Variants in NFATC2IP observed in about 807,000 individuals in gnomAD.
The protein encoded by NFATC2IP is NFATC2-interacting protein.
NFATC2IP carries 25 observed loss-of-function variants against 40.2 expected under a neutral mutation model. The ratio of observed to expected loss-of-function variants is 0.62; its 90% CI spans 0.45 to 0.87. NFATC2IP has a LOEUF of 0.87. NFATC2IP is among the 40% of genes least tolerant of loss of function. The pLI is 0.00. For synonymous variants in NFATC2IP, 241 were observed against 236.3 expected, an observed-to-expected ratio of 1.02 and a Z score of -0.18; for missense variants, 553 against 555.6, an observed-to-expected ratio of 1.00 and a Z score of 0.05.
In NFATC2IP at chr16:28,956,344, G is replaced by C; in HGVS notation, c.846+7G>C. 6.2e-7 allele frequency: 1 copy of C among 1,610,030 alleles called. No homozygotes were observed. On this transcript the variant is annotated splice_region_variant and intron_variant, in intron 5 of 7. Transcript: ENST00000320805. ...CAGATTGCCCCTCAGGATGGTGAGT[G>C]CCTGAGGCCCATGGGAGAAGGACCC...
chr16:28,960,680 C>A lies in NFATC2IP; in HGVS notation c.1101+1580C>A, dbSNP rs138395568. On this transcript the variant is annotated intron_variant, in intron 7 of 7. Coordinates refer to ENST00000320805, the MANE Select transcript of NFATC2IP (RefSeq NM_032815.4). ...CAGGTGCAGTGGCTCACACCTGTAA[C>A]CCCAGCACCTGTAATCCTAGCTCCC... 1.4e-4 allele frequency among the ~76,000 whole-genome samples: 22 copies of A among 152,198 alleles called. 1 individual carries two copies. Among genetic ancestry groups the A allele is most frequent in the African/African-American group, 5.1e-4 (21 of 41,530 alleles).
rs1567515055 is a variant in NFATC2IP, at chr16:28,963,852, G to T, written c.1249G>T (p.Val417Phe). Residue 417 changes from valine (V) to phenylalanine (F), a missense_variant, in exon 8 of 8, where the codon GTC (valine) becomes TTC (phenylalanine). By Grantham distance (50) the Val-to-Phe change is conservative (BLOSUM62 -1). Coordinates refer to ENST00000320805, the MANE Select transcript of NFATC2IP (RefSeq NM_032815.4). ...LGMESGDLIE[V>F]WG ...CATGGAATCTGGGGACCTCATTGAG[G>T]TCTGGGGCTGACACCCCACTCCCTG... is the stretch of plus-strand genomic sequence containing the variant. The T allele has an allele frequency of 1.9e-6, 3 of 1,614,068 alleles. No homozygotes were observed. Among genetic ancestry groups the T allele is most frequent in the Non-Finnish European group, 1.7e-6 (2 of 1,180,010 alleles).
At chr16:28,953,097 C>G (rs559054054) in intron 2 of NFATC2IP, among the ~76,000 whole-genome samples, 4 of 151,524 alleles carry the variant, frequency 2.6e-5, no homozygotes, top group African/African-American at 7.3e-5. Context: ...TGTTTTGAGA[C>G]AGAGTCTCAC....
chr16:28,954,778 TAAG>T, intron 3 of NFATC2IP, 96 bp downstream of exon 3: 1 of 713,948 alleles, frequency 1.4e-6, no homozygotes, highest in Admixed American at 2.3e-5. Context: ...CCTGAAAGGT[TAAG>T]AAGAAGGGAT....
In NFATC2IP at chr16:28,951,143, C is replaced by G. The variant is rs1964960882; in HGVS notation, c.132C>G (p.Asp44Glu). 1 of 1,546,664 alleles carries G rather than the reference C, an allele frequency of 6.5e-7. No individual in the cohort carries two copies. The highest frequency in any genetic ancestry group is 8.7e-7 in the Non-Finnish European group (1 of 1,144,942). ...GGTCTCCATCCCGGGGCACGCTGGA[C>G]GTAGTGTCTGTGGACTTGGTCACCG... ...AQRSPSRGTL[D>E]VVSVDLVTDS... is the part of the protein sequence containing the mutation. Residue 44 changes from aspartate to glutamate, a missense_variant, in exon 1 of 8, where the codon GAC (aspartate) becomes GAG (glutamate). Coordinates refer to ENST00000320805, the MANE Select transcript of NFATC2IP (RefSeq NM_032815.4).
chr16:28,966,542 G>A lies in NFATC2IP; in HGVS notation c.*2679G>A, dbSNP rs994012344. On this transcript the variant is annotated 3_prime_UTR_variant, in exon 8 of 8. Coordinates refer to ENST00000320805, the MANE Select transcript of NFATC2IP (RefSeq NM_032815.4). ...GGGAGGCTGAGGCAGGTGGATCACC[G>A]GAGGTTAGGAATTCAAGACTGAAAC... The A allele has an allele frequency of 2.7e-5, 4 of 147,428 alleles. No homozygotes were observed. The highest frequency in any genetic ancestry group is 4.5e-5 in the Non-Finnish European group (3 of 67,236). 9.1% of individuals were successfully genotyped at this position (147,428 alleles called of 1,614,324 possible). A position where few individuals can be genotyped will look rare whatever the true frequency, so the allele number is the denominator to read the frequency against.
In NFATC2IP at chr16:28,951,186, C is replaced by A; in HGVS notation, c.175C>A (p.Leu59Met). The change falls in exon 1 of 8, where the codon CTG becomes ATG. Residue 59 changes from leucine to methionine, a missense_variant. Leu to Met is a conservative substitution (Grantham distance 15). Coordinates refer to ENST00000320805, the MANE Select transcript of NFATC2IP (RefSeq NM_032815.4). The stretch of plus-strand genomic sequence containing the variant: ...GGTCACCGACAGCGATGAGGAAATT[C>A]TGGAGGTCGCCACCGCTCGCGGTGC... The part of the protein sequence containing the change: ...DLVTDSDEEI[L>M]EVATARGAAD... 1 of 1,541,242 alleles carries A rather than the reference C, an allele frequency of 6.5e-7. No individual in the cohort carries two copies.
chr16:28,954,513 C>A, intron 2 of NFATC2IP, 52 bp from the exon 3 acceptor site: 1 of 1,272,300 alleles, frequency 7.9e-7, no homozygotes, highest in Non-Finnish European at 1.1e-6. Context: ...TCTTGGCCTT[C>A]GCTGGCCTCC....
At chr16:28,961,920 A>G (rs1014245653) in intron 7 of NFATC2IP, among the ~76,000 whole-genome samples, 3 of 150,456 alleles carry the variant, frequency 2.0e-5, no homozygotes, top group African/African-American at 7.3e-5. Flanking sequence ...AAAAAAAAAA[A>G]AAAGACAGGG....
chr16:28,962,941 T>C (rs977609871), intron 7 of NFATC2IP, among the ~76,000 whole-genome samples: 2 of 152,180 alleles, frequency 1.3e-5, no homozygotes, highest in Non-Finnish European at 2.9e-5. Context: ...CCCAGCACTT[T>C]GGGAGGCCAA....
chr16:28,957,323 G>A (rs1412715577), intron 5 of NFATC2IP, among the ~76,000 whole-genome samples: 2 of 149,190 alleles, frequency 1.3e-5, no homozygotes, highest in Non-Finnish European at 3.0e-5. Flanking sequence ...ATGAGCCACC[G>A]TGCCTGGCCT....
intron 5 of NFATC2IP, 169 bp from the exon 6 acceptor site, chr16:28,958,548 C>T (rs1232933325): frequency 6.5e-6 from 4 of 617,030 alleles, no homozygotes; most frequent in South Asian, 4.0e-5. Flanking sequence ...CTCGCCTGTA[C>T]CCCTTGCTGA....
Position 28,951,009 on chromosome 16 carries a change from G to T in NFATC2IP, c.-3G>T, listed in dbSNP as rs772715545. 4.0e-6 allele frequency: 6 copies of T among 1,506,558 alleles called. No individual in the cohort carries two copies. The highest frequency in any genetic ancestry group is 5.3e-6 in the Non-Finnish European group (6 of 1,132,532). 93.3% of individuals were successfully genotyped at this position (1,506,558 alleles called of 1,614,324 possible). On this transcript the variant is annotated 5_prime_UTR_variant, in exon 1 of 8. Transcript: ENST00000320805. ...GGGCGTGTGTTGTGGAGGAAAGTGT[G>T]CCATGGCGGAGCCTGTGGGGAAGCG...
chr16:28,951,199 C>T lies in NFATC2IP; in HGVS notation c.188C>T (p.Thr63Ile). 1 of 1,538,638 alleles carries T rather than the reference C, an allele frequency of 6.5e-7. No individual in the cohort carries two copies. Among genetic ancestry groups the T allele is most frequent in the Non-Finnish European group, 8.8e-7 (1 of 1,140,422 alleles). ...DSDEEILEVATARGAADEVEV... is the reference protein window; with the variant it reads ...DSDEEILEVAIARGAADEVEV... The stretch of plus-strand genomic sequence containing the variant: ...GATGAGGAAATTCTGGAGGTCGCCA[C>T]CGCTCGCGGTGCCGCGGACGAGGTT... Residue 63 changes from threonine to isoleucine, a missense_variant, in exon 1 of 8, where the codon ACC (threonine) becomes ATC (isoleucine). Coordinates refer to ENST00000320805, the MANE Select transcript of NFATC2IP (RefSeq NM_032815.4).
intron 7 of NFATC2IP, among the ~76,000 whole-genome samples, chr16:28,962,051 G>A (rs1965094461): frequency 6.6e-6 from 1 of 152,054 alleles, no homozygotes; most frequent in African/African-American, 2.4e-5. Flanking sequence ...CTACAGGTGT[G>A]TGCCACTACC....
intron 2 of NFATC2IP, among the ~76,000 whole-genome samples, chr16:28,953,510 T>C (rs566783436): frequency 2.6e-5 from 4 of 152,320 alleles, no homozygotes; most frequent in South Asian, 2.1e-4. Context: ...TGGCTAGATA[T>C]ATGCTTTAGG....
In NFATC2IP at chr16:28,966,444, TA is replaced by T. The variant is rs869184973; in HGVS notation, c.*2602del. ...GGCAACACAGCGAGACCTTGTCTCTTAAAAAAAAAAAAAAAAAAAAATGAGA... is the reference window on the plus strand; with the variant it reads ...GGCAACACAGCGAGACCTTGTCTCTTAAAAAAAAAAAAAAAAAAAATGAGA... On this transcript the variant is annotated 3_prime_UTR_variant, in exon 8 of 8. Coordinates refer to ENST00000320805, the MANE Select transcript of NFATC2IP (RefSeq NM_032815.4). The T allele has an allele frequency of 0.063, 7,748 of 122,092 alleles. 754 individuals are homozygous for T. Among genetic ancestry groups the T allele is most frequent in the African/African-American group, 0.22 (7,050 of 31,536 alleles). 7.6% of individuals were successfully genotyped at this position (122,092 alleles called of 1,614,324 possible).
At chr16:28,951,449 T>C (rs961689070) in intron 1 of NFATC2IP, 51 bp downstream of exon 1, 4 of 1,330,612 alleles carry the variant, frequency 3.0e-6, no homozygotes, top group Non-Finnish European at 3.8e-6. Context: ...GGGCTTGGCC[T>C]CCAGGGAGGG....
chr16:28,952,902 T>G (rs771640917), intron 2 of NFATC2IP, among the ~76,000 whole-genome samples: 1 of 151,596 alleles, frequency 6.6e-6, no homozygotes, highest in Non-Finnish European at 1.5e-5. Context: ...GCCTGGCTAA[T>G]TTTTTGTATT....
Sources: gnomAD v4.1 joint callset for allele counts (sites outside exome capture counted in the v4.1 genomes callset) on GRCh38, gnomAD v4.1.1 for gene constraint, MANE v1.5 for transcripts, NCBI Gene and HGNC (gene_info 2026-07-23, HGNC 2026-07-21) for gene names.